SLC19A1: variants seen among roughly 807,000 people sequenced by gnomAD.
SLC19A1 encodes reduced folate transporter.
Under a neutral mutation model 35.3 loss-of-function variants are expected in SLC19A1, and 37 were observed. That is an observed-to-expected ratio of 1.05 (90% CI 0.81 to 1.38). SLC19A1 has a LOEUF of 1.38. Among genes scored for constraint, SLC19A1 ranks in the 40% most tolerant of loss-of-function variants. SLC19A1 has a pLI of 0.00. For missense variants in SLC19A1, 831 were observed against 826.9 expected (o/e 1.00, Z -0.06); for synonymous variants, 460 against 398.5 (o/e 1.15, Z -1.84).
intron 1 of SLC19A1, among the ~76,000 whole-genome samples, chr21:45,558,523 T>C (rs989366299): frequency 1.3e-5 from 2 of 152,228 alleles, no homozygotes; most frequent in South Asian, 2.1e-4. Flanking sequence ...GTGACCAGGC[T>C]GCAGAGGGTG....
chr21:45,562,919 C>A (rs529004258), exon 1 of SLC19A1, among the ~76,000 whole-genome samples: 2 of 152,252 alleles, frequency 1.3e-5, no homozygotes, highest in African/African-American at 4.8e-5. Flanking sequence ...TCCAACAGTC[C>A]GTGGAAGATC....
At chr21:45,510,153 C>T (rs754187633), downstream of SLC19A1, 39 of 1,598,722 alleles carry the variant, frequency 2.4e-5, no homozygotes, top group Middle Eastern at 1.7e-4. Flanking sequence ...AGGCGCGGGC[C>T]GTGGGGCTGG....
At chr21:45,510,090 C>T (rs1568952253), downstream of SLC19A1, 3 of 1,585,424 alleles carry the variant, frequency 1.9e-6, no homozygotes, top group South Asian at 3.4e-5. Context: ...TCAACAGCCC[C>T]CTGTCAGGCG....
intron 1 of SLC19A1, among the ~76,000 whole-genome samples, chr21:45,553,653 G>A (rs1051216234): frequency 3.8e-3 from 15 of 3,954 alleles, no homozygotes; most frequent in South Asian, 6.9e-3. Context: ...TAGTCCCCCC[G>A]CGCCCCCTTC....
downstream of SLC19A1, chr21:45,507,625 G>T (rs754914171): frequency 5.6e-6 from 9 of 1,608,340 alleles, no homozygotes; most frequent in African/African-American, 1.1e-4. Flanking sequence ...GAGACTGGTG[G>T]GTGGTCAGGA....
At chr21:45,556,326 G>A (rs1442568648) in intron 1 of SLC19A1, among the ~76,000 whole-genome samples, 1 of 152,190 alleles carries the variant, frequency 6.6e-6, no homozygotes, top group Non-Finnish European at 1.5e-5. Context: ...AAGCCCTGGC[G>A]GCAGGGCAGC....
At chr21:45,543,076 C>G (rs946836111), upstream of SLC19A1, among the ~76,000 whole-genome samples, 1 of 152,122 alleles carries the variant, frequency 6.6e-6, no homozygotes, top group Non-Finnish European at 1.5e-5. Flanking sequence ...AGGAGCAAGC[C>G]GGATCCAGGA....
chr21:45,516,105 G>C lies in SLC19A1; in HGVS notation c.1329C>G (p.Ser443=). 1 of 1,607,594 alleles carries C rather than the reference G, an allele frequency of 6.2e-7. No individual in the cohort carries two copies. Among genetic ancestry groups the C allele is most frequent in the Non-Finnish European group, 8.5e-7 (1 of 1,178,192 alleles). Residue 443 remains serine, a synonymous_variant, in exon 6 of 6, where the codon TCC becomes TCG. Coordinates refer to ENST00000311124, the MANE Select transcript of SLC19A1 (RefSeq NM_194255.4). ...QLYSVYFLIL[S]IIYFLGAMLD... The stretch of plus-strand genomic sequence containing the variant: ...GCATGGCCCCCAAGAAGTAGATGAT[G>C]GACAGGATCAGGAAGTACACGGAGT...
chr21:45,504,329 T>TGCCC (rs1269952949), intron 3 of SLC19A1: 1 of 1,385,460 alleles, frequency 7.2e-7, no homozygotes, highest in Non-Finnish European at 9.9e-7. Flanking sequence ...AGCTTCTGAC[T>TGCCC]GCCCAGCCCT....
In SLC19A1 at chr21:45,531,654, C is replaced by G. The variant is rs141010873; in HGVS notation, c.684G>C (p.Glu228Asp). The G allele has an allele frequency of 3.2e-5, 52 of 1,612,300 alleles. No homozygotes were observed. In the African/African-American group the frequency reaches 5.9e-4, roughly 18 times the overall value. ...GRCETSASEL[E>D]RMNPGPGGKL... is the part of the protein sequence containing the mutation. ...TCCCGCCTGGGCCAGGATTCATGCGCTCCAGCTCCGAAGCCGAGGTTTCGC... is the reference window on the plus strand; with the variant it reads ...TCCCGCCTGGGCCAGGATTCATGCGGTCCAGCTCCGAAGCCGAGGTTTCGC... Residue 228 changes from glutamate to aspartate, a missense_variant, in exon 3 of 6, where the codon GAG becomes GAC. Transcript: ENST00000311124.
chr21:45,547,789 T>A (rs1295408529), upstream of SLC19A1, among the ~76,000 whole-genome samples: 8 of 152,224 alleles, frequency 5.3e-5, no homozygotes. Flanking sequence ...TAGGATCTCC[T>A]GAGGGCTGCG....
downstream of SLC19A1, chr21:45,509,672 C>A: frequency 1.1e-6 from 1 of 872,928 alleles, no homozygotes; most frequent in Non-Finnish European, 1.8e-6. Flanking sequence ...GAGGGCCCAG[C>A]CCCTGCAGAG....
chr21:45,533,849 G>C lies in SLC19A1; in HGVS notation c.190-1701C>G, dbSNP rs114274148. Among the ~76,000 whole-genome samples, 1,658 of 152,254 alleles carry C rather than the reference G, an allele frequency of 0.011. 23 individuals carry two copies. Among genetic ancestry groups the C allele is most frequent in the African/African-American group, 0.034 (1,416 of 41,548 alleles). On this transcript the variant is annotated intron_variant, in intron 2 of 5. Coordinates refer to ENST00000311124, the MANE Select transcript of SLC19A1 (RefSeq NM_194255.4). This position sits in a 1 kb window ranked among gnomAD's most constrained non-coding sequence, Gnocchi z 4.5. ...CTGGCACACCCAAGATGTGTGGCCCGATGTGCTCAGAGCCCGGCCACCGGC... is the reference window on the plus strand; with the variant it reads ...CTGGCACACCCAAGATGTGTGGCCCCATGTGCTCAGAGCCCGGCCACCGGC...
intron 3 of SLC19A1, chr21:45,506,369 G>T (rs113178326): frequency 5.9e-4 from 207 of 351,854 alleles, no homozygotes; most frequent in African/African-American, 4.2e-3. Flanking sequence ...AGGCTGTCCC[G>T]TGGCTCTGCA....
rs912674466 is a variant in SLC19A1, at chr21:45,531,324, G to A, written c.949+65C>T. Reference sequence around the variant, plus strand: ...GGGAGCCTCCGGGGGAAGGATCCACGGGGCAGGCGGAGGTGGACGGGAAGC... The same window carrying A: ...GGGAGCCTCCGGGGGAAGGATCCACAGGGCAGGCGGAGGTGGACGGGAAGC... On this transcript the variant is annotated intron_variant, in intron 3 of 5. Coordinates refer to ENST00000311124, the MANE Select transcript of SLC19A1 (RefSeq NM_194255.4). 3.3e-6 allele frequency: 5 copies of A among 1,521,338 alleles called. No homozygotes were observed. The African/African-American group carries it at 5.6e-5, about 17-fold the overall frequency. 94.2% of individuals were successfully genotyped at this position (1,521,338 alleles called of 1,614,324 possible).
At chr21:45,556,192 G>A (rs772793541) in intron 1 of SLC19A1, among the ~76,000 whole-genome samples, 2 of 152,244 alleles carry the variant, frequency 1.3e-5, no homozygotes, top group African/African-American at 4.8e-5. Flanking sequence ...CCACCCCGGG[G>A]ATGACCAGCA....
downstream of SLC19A1, among the ~76,000 whole-genome samples, chr21:45,509,799 T>C (rs2037463930): frequency 6.6e-6 from 1 of 151,982 alleles, no homozygotes; most frequent in South Asian, 2.1e-4. Context: ...GTCATGAAAG[T>C]CCAGCCGCTG....
intron 1 of SLC19A1, among the ~76,000 whole-genome samples, chr21:45,555,248 CA>C (rs2078540405): frequency 3.1e-4 from 1 of 3,256 alleles, no homozygotes; most frequent in Admixed American, 2.4e-3. Flanking sequence ...GGGGGCGGCG[CA>C]GGGGGCGGCG....
At position 45,537,934 on chromosome 21, in the gene SLC19A1, T is replaced by G. The variant is rs1240157420; in HGVS notation, c.26A>C (p.Glu9Ala). The G allele has an allele frequency of 6.3e-7, 1 of 1,582,934 alleles. No homozygotes were observed. Among genetic ancestry groups the G allele is most frequent in the South Asian group, 1.1e-5 (1 of 87,552 alleles). The part of the protein sequence containing the change: MVPSSPAV[E>A]KQVPVEPGPD... ...CCCAGGTTCCACGGGCACCTGCTTC[T>G]CCACCGCTGGGCTGGAGGGCACCAT... The change falls in exon 2 of 6, where the codon GAG becomes GCG. Residue 9 changes from glutamate to alanine, a missense_variant. Glu to Ala is a moderately radical substitution (Grantham distance 107). Transcript: ENST00000311124.
Sources: allele counts gnomAD v4.1 joint callset (sites outside exome capture counted in the v4.1 genomes callset), GRCh38; gene constraint gnomAD v4.1.1; non-coding constraint Gnocchi (gnomAD v3.1); transcripts MANE v1.5; gene names NCBI Gene and HGNC (gene_info 2026-07-23, HGNC 2026-07-21).